The following MCTP2 variants were observed in gnomAD, a reference collection of about 807,000 sequenced individuals.
MCTP2 encodes the protein multiple C2 and transmembrane domain-containing protein 2.
In MCTP2, 132 loss-of-function variants were observed where a neutral mutation model predicts 111.6. The ratio of observed to expected loss-of-function variants is 1.18; its 90% confidence interval spans 1.03 to 1.37. The LOEUF (loss-of-function observed/expected upper bound fraction) is 1.37. Ranked by LOEUF, MCTP2 falls within the 40% of genes most tolerant of loss-of-function variation. MCTP2 has a pLI of 0.00. For synonymous variants in MCTP2, 395 were observed against 387.7 expected, an observed-to-expected ratio of 1.02 and a Z score of -0.22; for missense variants, 1,183 against 1,067.9, an observed-to-expected ratio of 1.11 and a Z score of -1.50.
intron 8 of MCTP2, among the ~76,000 whole-genome samples, chr15:94,346,828 A>G (rs906565432): frequency 6.6e-6 from 1 of 152,136 alleles, no homozygotes; most frequent in Non-Finnish European, 1.5e-5. Context: ...TATCAAAAAT[A>G]TGAAGGAAAC....
chr15:94,308,172 C>A (rs2075971803), intron 2 of MCTP2, among the ~76,000 whole-genome samples: 1 of 152,122 alleles, frequency 6.6e-6, no homozygotes, highest in Non-Finnish European at 1.5e-5. Flanking sequence ...ATTCTAACAA[C>A]CTATAAGAAT....
At chr15:94,392,787 G>A (rs1363154663) in intron 14 of MCTP2, among the ~76,000 whole-genome samples, 3 of 152,012 alleles carry the variant, frequency 2.0e-5, no homozygotes, top group East Asian at 1.9e-4. Flanking sequence ...CTGCACTCCA[G>A]CCTGGGTGAC....
intron 9 of MCTP2, 115 bp from the exon 10 acceptor site, chr15:94,358,367 G>C: frequency 2.2e-6 from 2 of 922,432 alleles, no homozygotes; most frequent in South Asian, 3.8e-5. Flanking sequence ...ACCTTTATAA[G>C]GGGTGAGGTC....
chr15:94,477,041 G>T (rs1305903130), intron 22 of MCTP2, among the ~76,000 whole-genome samples: 2 of 152,166 alleles, frequency 1.3e-5, no homozygotes, highest in African/African-American at 4.8e-5. Context: ...TGGCTACTGG[G>T]CACTGATGCT....
chr15:94,261,228 C>A (rs2073160181), intron 1 of MCTP2, among the ~76,000 whole-genome samples: 1 of 152,108 alleles, frequency 6.6e-6, no homozygotes, highest in African/African-American at 2.4e-5. Context: ...CAAGTTGTAC[C>A]CCCAACCCCC....
At chr15:94,357,555 T>TTG (rs1555458466) in intron 9 of MCTP2, among the ~76,000 whole-genome samples, 66 of 142,592 alleles carry the variant, frequency 4.6e-4, no homozygotes, top group African/African-American at 2.6e-4. Context: ...TTGTTTTTTT[T>TTG]TTTGTTTTTG....
At chr15:94,245,641 C>T (rs997425884) in intron 1 of MCTP2, among the ~76,000 whole-genome samples, 2 of 142,970 alleles carry the variant, frequency 1.4e-5, no homozygotes, top group South Asian at 2.2e-4. Flanking sequence ...TATACTTATA[C>T]ATATACATAT....
chr15:94,259,997 G>A (rs921967968), intron 1 of MCTP2, among the ~76,000 whole-genome samples: 1 of 152,102 alleles, frequency 6.6e-6, no homozygotes, highest in African/African-American at 2.4e-5. Flanking sequence ...TCTGATCTCT[G>A]CCCTGTTCTT....
intron 8 of MCTP2, among the ~76,000 whole-genome samples, chr15:94,349,232 C>A (rs1159262109): frequency 6.6e-6 from 1 of 152,134 alleles, no homozygotes; most frequent in Non-Finnish European, 1.5e-5. Context: ...TTAGGTGAAG[C>A]TATCAATTTA....
chr15:94,455,440 C>A (rs1567743027), intron 19 of MCTP2, among the ~76,000 whole-genome samples: 1 of 151,264 alleles, frequency 6.6e-6, no homozygotes, highest in African/African-American at 2.4e-5. Flanking sequence ...AGTGTTCTTT[C>A]TGTTGTTTTT....
At chr15:94,476,590 T>A (rs952633956) in intron 21 of MCTP2, 106 bp from the exon 22 acceptor site, 27 of 717,604 alleles carry the variant, frequency 3.8e-5, no homozygotes, top group Middle Eastern at 2.7e-4. Flanking sequence ...GCTAGATAGA[T>A]AGATGATTGA....
At chr15:94,442,656 A>G (rs2083848510) in intron 18 of MCTP2, among the ~76,000 whole-genome samples, 1 of 152,208 alleles carries the variant, frequency 6.6e-6, no homozygotes, top group Non-Finnish European at 1.5e-5. Flanking sequence ...TCAGCAATGC[A>G]TTTTTAAAGC....
chr15:94,328,828 G>A (rs1030655106), intron 4 of MCTP2, among the ~76,000 whole-genome samples: 8 of 152,132 alleles, frequency 5.3e-5, no homozygotes, highest in African/African-American at 1.5e-4. Flanking sequence ...CACCTGGGAA[G>A]AGTTGAAGGT....
chr15:94,328,172 A>G (rs1469600443), intron 4 of MCTP2, among the ~76,000 whole-genome samples: 3 of 144,780 alleles, frequency 2.1e-5, no homozygotes, highest in African/African-American at 7.8e-5. Flanking sequence ...TCTGTCACCC[A>G]GGCTGGAGTG....
intron 2 of MCTP2, among the ~76,000 whole-genome samples, chr15:94,303,314 G>A (rs1376285277): frequency 4.0e-5 from 6 of 151,788 alleles, no homozygotes; most frequent in Non-Finnish European, 8.8e-5. Flanking sequence ...AGGGCAGGAA[G>A]CATCCAGCAT....
chr15:94,398,998 A>T lies in MCTP2; in HGVS notation c.1826A>T (p.Asn609Ile). The T allele has an allele frequency of 6.4e-7, 1 of 1,564,588 alleles. No individual in the cohort carries two copies. The highest frequency in any genetic ancestry group is 2.2e-5 in the East Asian group (1 of 44,594). ...CAACCGAATTGTTATGTACTAAAGA[A>T]TAAAGATTTAGAACAAGCTTTTAAA... The part of the protein sequence containing the change: ...DGQPNCYVLK[N>I]KDLEQAFKGV... The change falls in exon 15 of 23, where the codon AAT becomes ATT. Residue 609 changes from asparagine to isoleucine, a missense_variant. By Grantham distance (149) the Asn-to-Ile change is moderately radical (BLOSUM62 -3). Coordinates refer to ENST00000357742, the MANE Select transcript of MCTP2 (RefSeq NM_001385001.1).
At chr15:94,280,331 T>A (rs1158073067) in intron 1 of MCTP2, among the ~76,000 whole-genome samples, 1 of 151,942 alleles carries the variant, frequency 6.6e-6, no homozygotes, top group Non-Finnish European at 1.5e-5. Flanking sequence ...CTTGGTTCAA[T>A]CTTGGGAGGC....
intron 1 of MCTP2, among the ~76,000 whole-genome samples, chr15:94,251,191 A>G (rs1354254960): frequency 6.6e-6 from 1 of 152,188 alleles, no homozygotes; most frequent in African/African-American, 2.4e-5. Flanking sequence ...GTCACCTGGG[A>G]TTTTGACCCT....
intron 1 of MCTP2, among the ~76,000 whole-genome samples, chr15:94,234,373 C>A (rs1208304683): frequency 1.3e-5 from 2 of 152,162 alleles, no homozygotes; most frequent in East Asian, 3.8e-4. Flanking sequence ...CTGTGGAGAT[C>A]TTGGGCAATT....
Sources: gnomAD v4.1 joint callset for allele counts (sites outside exome capture counted in the v4.1 genomes callset) on GRCh38, gnomAD v4.1.1 for gene constraint, MANE v1.5 for transcripts, NCBI Gene and HGNC (gene_info 2026-07-23, HGNC 2026-07-21) for gene names.